DLG2: variants seen among roughly 807,000 people sequenced by gnomAD.
The protein encoded by DLG2 is discs large MAGUK scaffold protein 2.
Under a neutral mutation model 132.5 loss-of-function variants are expected in DLG2, and 45 were observed. That is an observed-to-expected ratio of 0.34 (90% CI 0.27 to 0.44). The LOEUF is 0.44. Ranked by LOEUF, DLG2 falls within the 20% of genes least tolerant of loss-of-function variation. DLG2 has a pLI of 1.00. For missense variants in DLG2, 1,045 were observed against 1,196.9 expected (o/e 0.87, Z 1.87); for synonymous variants, 424 against 419.6 (o/e 1.01, Z -0.13).
chr11:84,106,156 CAGA>C (rs112765337), intron 9 of DLG2, among the ~76,000 whole-genome samples: 2,641 of 152,194 alleles, frequency 0.017, 77 homozygotes, highest in African/African-American at 0.061. Flanking sequence ...GGCTACATGC[CAGA>C]AGAAGAAATG....
intron 6 of DLG2, among the ~76,000 whole-genome samples, chr11:84,788,287 C>G (rs950389703): frequency 6.6e-6 from 1 of 151,986 alleles, no homozygotes; most frequent in Non-Finnish European, 1.5e-5. Context: ...GGTCAGAAAG[C>G]AAGAGCCTCC....
rs927411961 is a variant in DLG2, at chr11:85,095,560, T to A, written c.357+16101A>T. 1.5e-4 allele frequency among the ~76,000 whole-genome samples: 23 copies of A among 151,742 alleles called. 1 individual carries two copies. Among genetic ancestry groups the A allele is most frequent in the African/African-American group, 5.6e-4 (23 of 41,426 alleles). On this transcript the variant is annotated intron_variant, in intron 6 of 27. Coordinates refer to ENST00000376104, the MANE Select transcript of DLG2 (RefSeq NM_001142699.3). ...CTCATTTTTCACTCTGAAAAAAAAA[T>A]ACTTTCCTTGACCTAGCATTTATTA...
At chr11:83,937,910 A>G (rs1164148045) in intron 14 of DLG2, among the ~76,000 whole-genome samples, 1 of 152,222 alleles carries the variant, frequency 6.6e-6, no homozygotes, top group Non-Finnish European at 1.5e-5. Context: ...ATTTGGCAAT[A>G]TATTTCAGGA....
intron 4 of DLG2, among the ~76,000 whole-genome samples, chr11:85,264,178 C>T (rs2077086964): frequency 6.6e-6 from 1 of 152,124 alleles, no homozygotes; most frequent in South Asian, 2.1e-4. Context: ...TAGGACTCCA[C>T]AGAGGAATCA....
At chr11:84,203,808 G>A (rs1372512606) in intron 8 of DLG2, among the ~76,000 whole-genome samples, 2 of 152,102 alleles carry the variant, frequency 1.3e-5, no homozygotes, top group African/African-American at 2.4e-5. Flanking sequence ...AATGCCTCAG[G>A]AAGAACAGCT....
chr11:85,321,902 A>G (rs969539164), intron 3 of DLG2, among the ~76,000 whole-genome samples: 1 of 152,038 alleles, frequency 6.6e-6, no homozygotes, highest in African/African-American at 2.4e-5. Flanking sequence ...AAATTTGTTG[A>G]GTCTGGAGTA....
chr11:83,934,972 T>A (rs1355546287), intron 14 of DLG2, among the ~76,000 whole-genome samples: 1 of 152,196 alleles, frequency 6.6e-6, no homozygotes, highest in Non-Finnish European at 1.5e-5. Flanking sequence ...ATTTGGGTCA[T>A]ATATGTATAT....
At chr11:84,766,963 G>A (rs1462623291) in intron 6 of DLG2, among the ~76,000 whole-genome samples, 4 of 152,022 alleles carry the variant, frequency 2.6e-5, no homozygotes, top group Non-Finnish European at 5.9e-5. Flanking sequence ...ATCTCACTAT[G>A]TAAAACATTG....
At chr11:84,103,953 G>A (rs559601954) in intron 9 of DLG2, among the ~76,000 whole-genome samples, 1 of 151,596 alleles carries the variant, frequency 6.6e-6, no homozygotes, top group African/African-American at 2.4e-5. Context: ...CTGATCATTC[G>A]ATTCTAGGAT....
chr11:84,865,277 T>C (rs1452702870), intron 6 of DLG2, among the ~76,000 whole-genome samples: 3 of 152,154 alleles, frequency 2.0e-5, no homozygotes, highest in African/African-American at 4.8e-5. Flanking sequence ...TCCTCCCCAG[T>C]AGAGATTTAT....
chr11:85,347,952 T>C (rs2082976203), intron 3 of DLG2, among the ~76,000 whole-genome samples: 3 of 138,676 alleles, frequency 2.2e-5, no homozygotes, highest in African/African-American at 8.0e-5. Flanking sequence ...TACAGACTCA[T>C]GCCACCACAC....
rs1406343609 is a variant in DLG2 at position 85,347,421 on chromosome 11, C to CA, written c.41-62057dup. Among the ~76,000 whole-genome samples, 4 of 152,092 alleles carry CA rather than the reference C, an allele frequency of 2.6e-5. 1 individual carries two copies. The highest frequency in any genetic ancestry group is 9.7e-5 in the African/African-American group (4 of 41,374). On this transcript the variant is annotated intron_variant, in intron 3 of 27. Transcript: ENST00000376104. ...AACCAGACCTGGATGGACTTTTTAG[C>CA]AAGACAATGCCTGCCTGTTGGGCTC...
chr11:83,989,493 T>C (rs570622043), intron 11 of DLG2, among the ~76,000 whole-genome samples: 1 of 152,334 alleles, frequency 6.6e-6, no homozygotes, highest in South Asian at 2.1e-4. Flanking sequence ...TCTATATTGC[T>C]ACCAGCATTA....
rs148410786 is a variant in DLG2 at position 83,495,218 on chromosome 11, G to A, written c.2194-10990C>T. 1.0e-3 allele frequency among the ~76,000 whole-genome samples: 156 copies of A among 152,212 alleles called. 3 individuals are homozygous for A. Among genetic ancestry groups the A allele is most frequent in the South Asian group, 0.01 (49 of 4,820 alleles). ...ATGTGGACATAAAAATTACTTCGCCGTGGTAGATGTGTGTGTCTGTTGGAG... is the reference window on the plus strand; with the variant it reads ...ATGTGGACATAAAAATTACTTCGCCATGGTAGATGTGTGTGTCTGTTGGAG... On this transcript the variant is annotated intron_variant, in intron 21 of 27. Transcript: ENST00000376104.
intron 15 of DLG2, among the ~76,000 whole-genome samples, chr11:83,879,990 T>C (rs903112338): frequency 1.3e-5 from 2 of 152,310 alleles, no homozygotes; most frequent in African/African-American, 4.8e-5. Flanking sequence ...ACAAGACATT[T>C]TGAGACTCAT....
chr11:84,774,765 A>T (rs1219084517), intron 6 of DLG2, among the ~76,000 whole-genome samples: 2 of 152,148 alleles, frequency 1.3e-5, no homozygotes, highest in African/African-American at 4.8e-5. Context: ...CTGGACCCCT[A>T]CTTTTCATCA....
chr11:84,663,285 T>C (rs913013588), intron 6 of DLG2, among the ~76,000 whole-genome samples: 21 of 151,694 alleles, frequency 1.4e-4, no homozygotes, highest in African/African-American at 5.1e-4. Flanking sequence ...TCTAGCAATG[T>C]TGTGAGATAG....
At chr11:84,427,259 G>T (rs1354995997) in intron 7 of DLG2, among the ~76,000 whole-genome samples, 1 of 151,842 alleles carries the variant, frequency 6.6e-6, no homozygotes, top group Non-Finnish European at 1.5e-5. Flanking sequence ...AGAGAGGGAG[G>T]GAGGAAAGAA....
At chr11:85,273,603 C>A (rs188262990) in intron 4 of DLG2, among the ~76,000 whole-genome samples, 1 of 152,270 alleles carries the variant, frequency 6.6e-6, no homozygotes, top group African/African-American at 2.4e-5. Context: ...AGTCAGGAAA[C>A]AACAGATGCT....
Sources: gnomAD v4.1 joint callset for allele counts (sites outside exome capture counted in the v4.1 genomes callset) on GRCh38, gnomAD v4.1.1 for gene constraint, MANE v1.5 for transcripts, NCBI Gene and HGNC (gene_info 2026-07-23, HGNC 2026-07-21) for gene names.